Variants in SUPT3H observed in about 807,000 individuals in gnomAD.
SUPT3H encodes SPT3 homolog, SAGA and STAGA complex component, also known as transcription initiation protein SPT3 homolog.
SUPT3H carries 44 observed loss-of-function variants against 44.3 expected under a neutral mutation model. The observed-to-expected ratio is 0.99, with a 90% CI of 0.78 to 1.28. SUPT3H has a LOEUF of 1.28. Ranked by LOEUF, SUPT3H falls within the 50% of genes most tolerant of loss-of-function variation. The probability of loss-of-function intolerance (pLI) is 0.00; values close to 1 mark genes in which losing one functional copy is unlikely to be tolerated. For synonymous variants in SUPT3H, 124 were observed against 125.6 expected (o/e 0.99, Z 0.09); for missense variants, 380 against 387.1 (o/e 0.98, Z 0.15).
intron 10 of SUPT3H, among the ~76,000 whole-genome samples, chr6:44,852,073 A>C (rs1772990226): frequency 6.6e-6 from 1 of 152,310 alleles, no homozygotes; most frequent in East Asian, 1.9e-4. Context: ...TAATAATACC[A>C]TATCTTCTAT....
chr6:45,177,669 G>A (rs1304013303), intron 2 of SUPT3H, among the ~76,000 whole-genome samples: 1 of 151,168 alleles, frequency 6.6e-6, no homozygotes, highest in South Asian at 2.1e-4. Context: ...CAGCCACAGA[G>A]AAAGGTCGGG....
chr6:45,369,010 T>C (rs1319303796), intron 1 of SUPT3H, among the ~76,000 whole-genome samples: 2 of 151,928 alleles, frequency 1.3e-5, no homozygotes, highest in South Asian at 2.1e-4. Flanking sequence ...ATGAAAAAAA[T>C]TAAAAATTAA....
intron 10 of SUPT3H, among the ~76,000 whole-genome samples, chr6:44,845,576 G>C (rs1389285129): frequency 2.6e-5 from 4 of 152,122 alleles, no homozygotes; most frequent in Non-Finnish European, 5.9e-5. Context: ...CCCAAATGTT[G>C]CATTTCCCAA....
chr6:44,818,896 T>C (rs1212149566), intron 11 of SUPT3H, among the ~76,000 whole-genome samples: 1 of 152,204 alleles, frequency 6.6e-6, no homozygotes, highest in African/African-American at 2.4e-5. Flanking sequence ...TACATCTACA[T>C]TGGAAAACAT....
chr6:45,045,479 T>C (rs1789242156), intron 3 of SUPT3H, among the ~76,000 whole-genome samples: 1 of 152,190 alleles, frequency 6.6e-6, no homozygotes, highest in African/African-American at 2.4e-5. Context: ...GGAATGCTTG[T>C]GATTTTTGCA....
intron 2 of SUPT3H, among the ~76,000 whole-genome samples, chr6:45,266,471 T>C (rs1267529399): frequency 6.6e-6 from 1 of 151,902 alleles, no homozygotes; most frequent in Non-Finnish European, 1.5e-5. Context: ...CTAGGATTGA[T>C]GAATACACTT....
chr6:45,037,375 G>A (rs566524830), intron 3 of SUPT3H, among the ~76,000 whole-genome samples: 4 of 151,756 alleles, frequency 2.6e-5, no homozygotes, highest in South Asian at 2.1e-4. Flanking sequence ...ATGGCAGGGC[G>A]CAGTGGCTCA....
intron 6 of SUPT3H, among the ~76,000 whole-genome samples, chr6:44,981,170 A>C (rs1779045113): frequency 6.6e-6 from 1 of 152,216 alleles, no homozygotes; most frequent in Non-Finnish European, 1.5e-5. Context: ...CTTAGGGAGA[A>C]ATACACTACA....
chr6:45,165,973 G>A (rs1439519360), intron 2 of SUPT3H, among the ~76,000 whole-genome samples: 4 of 152,282 alleles, frequency 2.6e-5, no homozygotes, highest in African/African-American at 9.6e-5. Context: ...CGTGTATCTA[G>A]ACTAAATAAA....
At chr6:44,950,132 C>T (rs1454864001) in intron 9 of SUPT3H, among the ~76,000 whole-genome samples, 1 of 152,192 alleles carries the variant, frequency 6.6e-6, no homozygotes, top group Non-Finnish European at 1.5e-5. Flanking sequence ...ACTTATCTTT[C>T]ATAGCCTCTT....
At chr6:45,302,380 T>A (rs865998793) in intron 2 of SUPT3H, among the ~76,000 whole-genome samples, 1 of 151,464 alleles carries the variant, frequency 6.6e-6, no homozygotes, top group African/African-American at 2.4e-5. Context: ...CCTGAGTTAC[T>A]TCATTTAGAA....
At chr6:45,312,438 C>T (rs1346650342) in intron 2 of SUPT3H, among the ~76,000 whole-genome samples, 5 of 151,234 alleles carry the variant, frequency 3.3e-5, no homozygotes, top group African/African-American at 4.9e-5. Flanking sequence ...TGGCGTGAAC[C>T]CAGGAAGCGG....
At chr6:44,830,527 C>T (rs1345251175) in intron 10 of SUPT3H, among the ~76,000 whole-genome samples, 2 of 152,064 alleles carry the variant, frequency 1.3e-5, no homozygotes, top group African/African-American at 4.8e-5. Context: ...TAATACGTTT[C>T]AGTAAAGAAA....
chr6:44,986,427 T>C lies in SUPT3H; in HGVS notation c.504+17226A>G, dbSNP rs553170029. On this transcript the variant is annotated intron_variant, in intron 6 of 10. Coordinates refer to ENST00000371459, the MANE Select transcript of SUPT3H (RefSeq NM_003599.4). ...AGAACAGTATCTGGCATGCAGTAAGTGCAATGAATGACTCTGGTACTACTA... is the reference window on the plus strand; with the variant it reads ...AGAACAGTATCTGGCATGCAGTAAGCGCAATGAATGACTCTGGTACTACTA... Among the ~76,000 whole-genome samples, 14 of 152,272 alleles carry C rather than the reference T, an allele frequency of 9.2e-5. No homozygotes were observed. In the South Asian group the frequency reaches 2.7e-3, roughly 29 times the overall value.
intron 3 of SUPT3H, among the ~76,000 whole-genome samples, chr6:45,028,789 G>A (rs1156548594): frequency 6.7e-6 from 1 of 148,520 alleles, no homozygotes; most frequent in East Asian, 2.0e-4. Context: ...CAGAATAGAG[G>A]AAGATGCGTT....
intron 6 of SUPT3H, among the ~76,000 whole-genome samples, chr6:44,964,477 C>T (rs1301932668): frequency 2.6e-5 from 4 of 152,194 alleles, no homozygotes; most frequent in East Asian, 3.9e-4. Context: ...CTGATGTATT[C>T]GCAATAAGTG....
chr6:45,170,067 G>C (rs1810522055), intron 2 of SUPT3H, among the ~76,000 whole-genome samples: 1 of 152,134 alleles, frequency 6.6e-6, no homozygotes, highest in South Asian at 2.1e-4. Flanking sequence ...TTTCAACACA[G>C]AAAGTTAATA....
chr6:45,035,322 G>A, intron 3 of SUPT3H, among the ~76,000 whole-genome samples: 1 of 152,084 alleles, frequency 6.6e-6, no homozygotes, highest in East Asian at 1.9e-4. Flanking sequence ...AATGATACCT[G>A]CACTTCAGGA....
chr6:45,138,788 G>A (rs1475166152), intron 2 of SUPT3H, among the ~76,000 whole-genome samples: 1 of 152,054 alleles, frequency 6.6e-6, no homozygotes, highest in Non-Finnish European at 1.5e-5. Flanking sequence ...CACAGTTATG[G>A]TTACACAACT....
Sources: gnomAD v4.1 joint callset for allele counts (sites outside exome capture counted in the v4.1 genomes callset) on GRCh38, gnomAD v4.1.1 for gene constraint, MANE v1.5 for transcripts, NCBI Gene and HGNC (gene_info 2026-07-23, HGNC 2026-07-21) for gene names.